Variants in PCCA observed in about 807,000 individuals in gnomAD.
PCCA encodes propionyl-CoA carboxylase subunit alpha.
In PCCA, 74 loss-of-function variants were observed where a neutral mutation model predicts 101.3. That is an observed-to-expected ratio of 0.73 (90% CI 0.61 to 0.89). The LOEUF (loss-of-function observed/expected upper bound fraction) is 0.89. Ranked by LOEUF, PCCA falls within the 40% of genes least tolerant of loss-of-function variation. PCCA has a pLI of 0.00. For missense variants in PCCA, 891 were observed against 907.0 expected (o/e 0.98, Z 0.23); for synonymous variants, 294 against 313.6 (o/e 0.94, Z 0.66).
chr13:100,317,957 C>A (rs901983704), intron 16 of PCCA, among the ~76,000 whole-genome samples: 1 of 152,134 alleles, frequency 6.6e-6, no homozygotes, highest in Non-Finnish European at 1.5e-5. Flanking sequence ...GCTGCTTCTC[C>A]CATCTGTATT....
chr13:100,241,125 A>G (rs867192749), intron 8 of PCCA, among the ~76,000 whole-genome samples: 1 of 152,168 alleles, frequency 6.6e-6, no homozygotes, highest in Non-Finnish European at 1.5e-5. Flanking sequence ...TCAGCCTTTC[A>G]AAGTGCACAA....
Position 100,330,658 on chromosome 13 carries a change from T to C in PCCA, c.1527T>C (p.Pro509=). 1 of 1,599,936 alleles carries C rather than the reference T, an allele frequency of 6.3e-7. No homozygotes were observed. Among genetic ancestry groups the C allele is most frequent in the Non-Finnish European group, 8.6e-7 (1 of 1,167,234 alleles). Residue 509 remains proline, a synonymous_variant, in exon 17 of 24, where the codon CCT becomes CCC. Transcript: ENST00000376285. ...ISTKFLSDVY[P]DGFKGHMLTK... ...CTAAATTTCTCTCCGATGTGTATCC[T>C]GATGGCTTCAAAGGTTTGTATGCAT... is the stretch of plus-strand genomic sequence containing the variant.
intron 12 of PCCA, among the ~76,000 whole-genome samples, chr13:100,285,462 TA>T (rs1481016284): frequency 4.6e-5 from 7 of 152,184 alleles, no homozygotes; most frequent in Non-Finnish European, 8.8e-5. Context: ...ATTGATGTAG[TA>T]GCAAAAGGCT....
intron 12 of PCCA, among the ~76,000 whole-genome samples, chr13:100,292,744 T>G (rs2065225439): frequency 6.6e-6 from 1 of 152,226 alleles, no homozygotes; most frequent in Non-Finnish European, 1.5e-5. Flanking sequence ...AACAAACATA[T>G]TTGAAATATT....
chr13:100,448,160 G>A (rs1393935144), intron 20 of PCCA, among the ~76,000 whole-genome samples: 1 of 152,126 alleles, frequency 6.6e-6, no homozygotes, highest in African/African-American at 2.4e-5. Flanking sequence ...TGAGGAATAC[G>A]TTAGGATTAA....
intron 21 of PCCA, among the ~76,000 whole-genome samples, chr13:100,464,008 G>A (rs535392476): frequency 6.6e-5 from 10 of 152,148 alleles, no homozygotes. Flanking sequence ...CGCGTGTATG[G>A]TGCTTTAGGG....
rs746133790 is a variant in PCCA, at chr13:100,203,038, C to T, written c.469-6294C>T. On this transcript the variant is annotated intron_variant, in intron 6 of 23. Coordinates refer to ENST00000376285, the MANE Select transcript of PCCA (RefSeq NM_000282.4). ...TTGTAATCCCAGCACTTTGGGAGGC[C>T]AAGGTAGGCGGATCACGAGATCAGG... is the stretch of plus-strand genomic sequence containing the variant. Among the ~76,000 whole-genome samples, 85 of 151,990 alleles carry T rather than the reference C, an allele frequency of 5.6e-4. 1 individual carries two copies. Among genetic ancestry groups the T allele is most frequent in the Non-Finnish European group, 5.3e-4 (36 of 67,970 alleles).
intron 21 of PCCA, among the ~76,000 whole-genome samples, chr13:100,506,699 C>CGGGG (rs999848661): frequency 6.6e-6 from 1 of 152,108 alleles, no homozygotes; most frequent in African/African-American, 2.4e-5. Flanking sequence ...CAGAGCTCCC[C>CGGGG]ATCTTTTTTC....
chr13:100,515,220 G>A (rs1399082014), intron 21 of PCCA, among the ~76,000 whole-genome samples: 1 of 152,168 alleles, frequency 6.6e-6, no homozygotes, highest in African/African-American at 2.4e-5. Context: ...AACTGGAATA[G>A]CCCTTATTTC....
chr13:100,414,863 A>G (rs1466004872), intron 19 of PCCA, among the ~76,000 whole-genome samples: 1 of 152,210 alleles, frequency 6.6e-6, no homozygotes, highest in Non-Finnish European at 1.5e-5. Context: ...AAACATCTCC[A>G]TCTCTAAAAC....
intron 6 of PCCA, chr13:100,198,382 T>C (rs1298082422): frequency 6.6e-6 from 1 of 152,214 alleles, no homozygotes; most frequent in African/African-American, 2.4e-5. Flanking sequence ...GTTTTGGACA[T>C]GGTAATGCTG....
chr13:100,224,623 A>G (rs1005838417), intron 7 of PCCA, among the ~76,000 whole-genome samples: 1 of 152,268 alleles, frequency 6.6e-6, no homozygotes, highest in African/African-American at 2.4e-5. Flanking sequence ...GACTGCAAGT[A>G]TTCAGGCAAT....
In PCCA at chr13:100,309,909, G is replaced by A; in HGVS notation, c.1429+1G>A. 6.2e-7 allele frequency: 1 copy of A among 1,607,070 alleles called. No individual in the cohort carries two copies. The highest frequency in any genetic ancestry group is 8.5e-7 in the Non-Finnish European group (1 of 1,173,706). On this transcript the variant is annotated splice_donor_variant, in intron 16 of 23. Transcript: ENST00000376285. LOFTEE classifies it high-confidence loss of function. ...GCACTGGATAACTATGTTATTCGAGGTAAAAACAAAGATTTGCACTCGTTG... is the reference window on the plus strand; with the variant it reads ...GCACTGGATAACTATGTTATTCGAGATAAAAACAAAGATTTGCACTCGTTG...
intron 22 of PCCA, among the ~76,000 whole-genome samples, chr13:100,522,964 G>A (rs1164556457): frequency 6.6e-6 from 1 of 152,236 alleles, no homozygotes. Flanking sequence ...CTGGTCTTGA[G>A]CACCGCTTTC....
chr13:100,282,303 G>C (rs1306318672), intron 12 of PCCA, among the ~76,000 whole-genome samples: 1 of 152,262 alleles, frequency 6.6e-6, no homozygotes, highest in African/African-American at 2.4e-5. Context: ...CAGAGCCCTC[G>C]CTCGCTCTCG....
At chr13:100,422,199 C>A (rs1193046279) in intron 19 of PCCA, among the ~76,000 whole-genome samples, 1 of 144,190 alleles carries the variant, frequency 6.9e-6, no homozygotes, top group Non-Finnish European at 1.5e-5. Flanking sequence ...GTGGCAAAAT[C>A]ATGGTTCAGT....
At chr13:100,152,064 G>C (rs184050364) in intron 4 of PCCA, among the ~76,000 whole-genome samples, 6 of 152,168 alleles carry the variant, frequency 3.9e-5, no homozygotes, top group Admixed American at 3.9e-4. Context: ...TCAAAAGTTT[G>C]TTAGATTGTT....
At chr13:100,399,615 T>C (rs1479049032) in intron 19 of PCCA, among the ~76,000 whole-genome samples, 1 of 152,208 alleles carries the variant, frequency 6.6e-6, no homozygotes, top group Non-Finnish European at 1.5e-5. Context: ...TTGACACTAA[T>C]TGGCATAGTT....
intron 19 of PCCA, among the ~76,000 whole-genome samples, chr13:100,413,386 G>A (rs1396955973): frequency 6.6e-6 from 1 of 152,182 alleles, no homozygotes; most frequent in Non-Finnish European, 1.5e-5. Context: ...GAGGACATCA[G>A]TGGTAGCAAA....
Sources: allele counts gnomAD v4.1 joint callset (sites outside exome capture counted in the v4.1 genomes callset), GRCh38; gene constraint gnomAD v4.1.1; transcripts MANE v1.5; gene names NCBI Gene and HGNC (gene_info 2026-07-23, HGNC 2026-07-21).